DNAH10: variants seen among roughly 807,000 people sequenced by gnomAD.
DNAH10 encodes axonemal beta dynein heavy chain 10.
DNAH10 carries 348 observed loss-of-function variants against 506.6 expected under a neutral mutation model. That is an observed-to-expected ratio of 0.69 (90% CI 0.63 to 0.75). The LOEUF is 0.75. DNAH10 is among the 30% of genes least tolerant of loss of function. The pLI is 0.00. For synonymous variants in DNAH10, 2,059 were observed against 2,198.6 expected (o/e 0.94, Z 1.78); for missense variants, 5,179 against 5,787.1 (o/e 0.89, Z 3.41).
chr12:123,878,054 C>T (rs1952338687), intron 48 of DNAH10, 146 bp downstream of exon 48: 10 of 1,157,576 alleles, frequency 8.6e-6, no homozygotes, highest in Non-Finnish European at 1.2e-5. Context: ...AGAAGAGAGA[C>T]CAACACTTGG....
intron 51 of DNAH10, among the ~76,000 whole-genome samples, chr12:123,886,414 G>A (rs1014331554): frequency 3.9e-5 from 6 of 152,186 alleles, no homozygotes; most frequent in Non-Finnish European, 7.3e-5. Context: ...GTTTGCAGGC[G>A]ACAGGCAGAA....
At position 123,877,712 on chromosome 12, in the gene DNAH10, G is replaced by GT. The variant is rs756955081; in HGVS notation, c.8200-24_8200-23insT. Reference sequence around the variant, plus strand: ...CTACTGAAGGACATTTGTGTGTTGGGGGGGGTGTCTTTGCATTTTTCAGAC... The same window carrying GT: ...CTACTGAAGGACATTTGTGTGTTGGGTGGGGGTGTCTTTGCATTTTTCAGAC... On this transcript the variant is annotated intron_variant, in intron 47 of 78. Coordinates refer to ENST00000673944, the MANE Select transcript of DNAH10 (RefSeq NM_001372106.1). 2.1e-5 allele frequency: 33 copies of GT among 1,601,334 alleles called. No homozygotes were observed. The Admixed American group carries it at 2.6e-4, about 12-fold the overall frequency.
intron 5 of DNAH10, among the ~76,000 whole-genome samples, chr12:123,780,444 G>A (rs1022860196): frequency 6.6e-5 from 10 of 151,198 alleles, no homozygotes; most frequent in South Asian, 2.1e-4. Context: ...GGGATTACAG[G>A]CATGAGCCAC....
chr12:123,890,457 CT>C (rs201416327), intron 52 of DNAH10, among the ~76,000 whole-genome samples: 22 of 147,560 alleles, frequency 1.5e-4, no homozygotes, highest in East Asian at 4.0e-4. Flanking sequence ...AAAAAACACA[CT>C]TTTTTTTTTA....
intron 13 of DNAH10, among the ~76,000 whole-genome samples, chr12:123,797,550 G>T (rs116647224): frequency 6.6e-6 from 1 of 151,994 alleles, no homozygotes; most frequent in Non-Finnish European, 1.5e-5. Flanking sequence ...GGGCCACCAC[G>T]CCTGGCCCAT....
In DNAH10 at chr12:123,864,716, G is replaced by T; in HGVS notation, c.7030G>T (p.Ala2344Ser). ...GERIRLQAHC[A>S]LLFEVGDLQY... ...ACGCATCCGGCTCCAAGCACACTGT[G>T]CCCTGCTCTTTGAGGCAAGTAGTGA... Residue 2344 changes from alanine to serine, a missense_variant, in exon 40 of 79, where the codon GCC (alanine) becomes TCC (serine). Ala to Ser is a moderately conservative substitution (Grantham distance 99). This residue lies in a region of DNAH10 where 4,844 missense variants were observed against 5,430.5 expected (regional missense o/e 0.89). Transcript: ENST00000673944. 1 of 1,612,786 alleles carries T rather than the reference G, an allele frequency of 6.2e-7. No individual in the cohort carries two copies. Among genetic ancestry groups the T allele is most frequent in the Non-Finnish European group, 8.5e-7 (1 of 1,179,524 alleles).
chr12:123,855,216 C>T (rs1170214308), intron 36 of DNAH10, among the ~76,000 whole-genome samples: 3 of 152,176 alleles, frequency 2.0e-5, no homozygotes, highest in Non-Finnish European at 1.5e-5. Context: ...GACATACCCA[C>T]ATTTCCAGAT....
At chr12:123,792,489 C>T (rs143931574) in intron 11 of DNAH10, among the ~76,000 whole-genome samples, 16 of 129,072 alleles carry the variant, frequency 1.2e-4, no homozygotes, top group African/African-American at 4.4e-4. Context: ...GACAGAGTTT[C>T]GCTCTTGTTG....
At position 123,784,163 on chromosome 12, in the gene DNAH10, G is replaced by C. The variant is rs777643907; in HGVS notation, c.1216G>C (p.Glu406Gln). The change falls in exon 8 of 79, where the codon GAG becomes CAG. Residue 406 changes from glutamate to glutamine, a missense_variant. Physicochemically the swap from Glu to Gln is conservative, Grantham distance 29. This residue lies in a region of DNAH10 where 4,844 missense variants were observed against 5,430.5 expected (regional missense o/e 0.89). Transcript: ENST00000673944. ...SDNVRFLSTV[E>Q]RYFKNITHGS... ...CAATGTGCGCTTTCTCTCCACCGTG[G>C]AGCGTTATTTCAAGGTATGCTGGGT... The C allele has an allele frequency of 6.2e-7, 1 of 1,614,172 alleles. No individual in the cohort carries two copies.
chr12:123,772,590 A>C (rs1422008459), intron 3 of DNAH10, among the ~76,000 whole-genome samples: 1 of 152,164 alleles, frequency 6.6e-6, no homozygotes, highest in Non-Finnish European at 1.5e-5. Flanking sequence ...GACCTTTGCC[A>C]GGTCAGTTTG....
chr12:123,903,930 C>T lies in DNAH10; in HGVS notation c.9815+817C>T, dbSNP rs1323470696. On this transcript the variant is annotated intron_variant, in intron 57 of 78. Coordinates refer to ENST00000673944, the MANE Select transcript of DNAH10 (RefSeq NM_001372106.1). This position sits in a 1 kb window ranked among gnomAD's most constrained non-coding sequence, Gnocchi z 4.6. ...AGTCTTCCTGGCCCCACACACGGGT[C>T]TCGCAGCCGAGAGGCTCCGTTCCTG... 6.6e-6 allele frequency among the ~76,000 whole-genome samples: 1 copy of T among 152,214 alleles called. No individual in the cohort carries two copies. Among genetic ancestry groups the T allele is most frequent in the African/African-American group, 2.4e-5 (1 of 41,458 alleles).
rs368623243 is a variant in DNAH10, at chr12:123,897,788, C to T, written c.9299C>T (p.Pro3100Leu). The T allele has an allele frequency of 6.3e-5, 102 of 1,607,648 alleles. No homozygotes were observed. Among genetic ancestry groups the T allele is most frequent in the African/African-American group, 1.7e-4 (13 of 74,670 alleles). ...TCTTCAGGGTATAATCCAATGATCC[C>T]GGCAGAAAATATAGAAAATGTGGTG... Reference protein sequence around the residue: ...KSFLGYNPMIPAENIENVVKH... With the variant: ...KSFLGYNPMILAENIENVVKH... Residue 3100 changes from proline to leucine, a missense_variant, in exon 55 of 79, where the codon CCG (proline) becomes CTG (leucine). Pro to Leu is a moderately conservative substitution (Grantham distance 98). Transcript: ENST00000673944.
At position 123,913,486 on chromosome 12, in the gene DNAH10, C is replaced by G. The variant is rs1485664015; in HGVS notation, c.10352+171C>G. 6.6e-6 allele frequency among the ~76,000 whole-genome samples: 1 copy of G among 152,176 alleles called. No homozygotes were observed. Among genetic ancestry groups the G allele is most frequent in the Non-Finnish European group, 1.5e-5 (1 of 68,040 alleles). ...TGGCAGCTAATGGCTATTTTATAGGCTCTTGTTTGTATTAGGCACTGAGTG... is the reference window on the plus strand; with the variant it reads ...TGGCAGCTAATGGCTATTTTATAGGGTCTTGTTTGTATTAGGCACTGAGTG... On this transcript the variant is annotated intron_variant, in intron 60 of 78. Transcript: ENST00000673944. This position sits in a 1 kb window ranked among gnomAD's most constrained non-coding sequence, Gnocchi z 5.1.
intron 56 of DNAH10, among the ~76,000 whole-genome samples, chr12:123,901,845 G>C (rs1953537480): frequency 6.6e-6 from 1 of 152,120 alleles, no homozygotes; most frequent in East Asian, 1.9e-4. Context: ...ATTTTTAGTA[G>C]AGACGGGGTT....
chr12:123,786,392 A>G (rs11057357), intron 9 of DNAH10, among the ~76,000 whole-genome samples: 79,018 of 149,290 alleles, frequency 0.53, 22,218 homozygotes, highest in East Asian at 0.94. Flanking sequence ...ACCACTATCA[A>G]TGTTAGAACA....
At position 123,762,770 on chromosome 12, in the gene DNAH10, T is replaced by G. The variant is rs1956876168; in HGVS notation, c.214+220T>G. Among the ~76,000 whole-genome samples the G allele has an allele frequency of 6.6e-6, 1 of 152,188 alleles. No individual in the cohort carries two copies. The highest frequency in any genetic ancestry group is 2.4e-5 in the African/African-American group (1 of 41,450). Reference sequence around the variant, plus strand: ...CACAGCCCACTTGAAAGTCAGGCCTTGATTGAAAAATCACAGCAAACACTG... The same window carrying G: ...CACAGCCCACTTGAAAGTCAGGCCTGGATTGAAAAATCACAGCAAACACTG... On this transcript the variant is annotated intron_variant, in intron 1 of 78. Coordinates refer to ENST00000673944, the MANE Select transcript of DNAH10 (RefSeq NM_001372106.1). This position sits in a 1 kb window ranked among gnomAD's most constrained non-coding sequence, Gnocchi z 5.0.
rs1052187617 is a variant in DNAH10 at position 123,819,454 on chromosome 12, G to A, written c.4000+204G>A. On this transcript the variant is annotated intron_variant, in intron 23 of 78. Transcript: ENST00000673944. ...TAATGCGACTCATTGATTGTTGAGT[G>A]CCTGCTACCCGAAGGTGTTGAGAGA... is the stretch of plus-strand genomic sequence containing the variant. 7.3e-5 allele frequency among the ~76,000 whole-genome samples: 11 copies of A among 151,228 alleles called. No individual in the cohort carries two copies. In the East Asian group the frequency reaches 2.1e-3, roughly 29 times the overall value.
chr12:123,897,850 T>C lies in DNAH10; in HGVS notation c.9361T>C (p.Tyr3121His). The C allele has an allele frequency of 6.2e-7, 1 of 1,611,700 alleles. No individual in the cohort carries two copies. Among genetic ancestry groups the C allele is most frequent in the Non-Finnish European group, 8.5e-7 (1 of 1,179,314 alleles). The change falls in exon 55 of 79, where the codon TAC (tyrosine) becomes CAC (histidine). Residue 3121 changes from tyrosine to histidine, a missense_variant. Tyr to His is a moderately conservative substitution (Grantham distance 83). Coordinates refer to ENST00000673944, the MANE Select transcript of DNAH10 (RefSeq NM_001372106.1). ...CTTGGTTCACCAATCCGTGGACCAC[T>C]ACAGCCAACAGTTTCTACAGAAATT... The part of the protein sequence containing the change: ...VVLVHQSVDH[Y>H]SQQFLQKLRR...
intron 23 of DNAH10, among the ~76,000 whole-genome samples, chr12:123,820,232 G>T (rs1393650723): frequency 2.6e-5 from 4 of 152,130 alleles, no homozygotes. Flanking sequence ...CATAGAACTG[G>T]GAAGTTAGAG....
Sources: gnomAD v4.1 joint callset for allele counts (sites outside exome capture counted in the v4.1 genomes callset) on GRCh38, gnomAD v4.1.1 for gene constraint, gnomAD v4.1.1 regional missense constraint, Gnocchi (gnomAD v3.1) non-coding constraint, MANE v1.5 for transcripts, NCBI Gene and HGNC (gene_info 2026-07-23, HGNC 2026-07-21) for gene names.